ZDHHC19: variants seen among roughly 807,000 people sequenced by gnomAD.
ZDHHC19 encodes the protein palmitoyltransferase ZDHHC19.
In ZDHHC19, 30 loss-of-function variants were observed where a neutral mutation model predicts 33.9. The ratio of observed to expected loss-of-function variants is 0.88; its 90% CI spans 0.66 to 1.20. The LOEUF is 1.20. Ranked by LOEUF, ZDHHC19 falls within the 50% of genes most tolerant of loss-of-function variation. ZDHHC19 has a pLI of 0.00. For synonymous variants in ZDHHC19, 178 were observed against 167.6 expected, an observed-to-expected ratio of 1.06 and a Z score of -0.48; for missense variants, 364 against 401.1, an observed-to-expected ratio of 0.91 and a Z score of 0.79.
In ZDHHC19 at chr3:196,203,591, G is replaced by A. The variant is rs1286579297; in HGVS notation, c.687+3807C>T. 6.6e-6 allele frequency among the ~76,000 whole-genome samples: 1 copy of A among 152,204 alleles called. No individual in the cohort carries two copies. Among genetic ancestry groups the A allele is most frequent in the Non-Finnish European group, 1.5e-5 (1 of 68,040 alleles). On this transcript the variant is annotated intron_variant, in intron 5 of 7. Coordinates refer to ENST00000296326, the MANE Select transcript of ZDHHC19 (RefSeq NM_001039617.2). This position sits in a 1 kb window ranked among gnomAD's most constrained non-coding sequence, Gnocchi z 4.3. ...GCCTGAGGCAGGTGCTGCGGGCTGCGGGAAGGAGCCCTGCCTGGTGAATCG... is the reference window on the plus strand; with the variant it reads ...GCCTGAGGCAGGTGCTGCGGGCTGCAGGAAGGAGCCCTGCCTGGTGAATCG...
At position 196,208,441 on chromosome 3, in the gene ZDHHC19, G is replaced by T. The variant is rs776132296; in HGVS notation, c.528C>A (p.Leu176=). The change falls in exon 4 of 8, where the codon CTC becomes CTA. Residue 176 remains leucine, a synonymous_variant. Transcript: ENST00000296326. ...LYSGAMLVTC[L]IFLVRTTHLP... is the part of the protein sequence containing the mutation. Reference sequence around the variant, plus strand: ...GGTGGGTTGTGCGCACCAGGAAGATGAGACAGGTGACCAGCATGGCGCCCG... The same window carrying T: ...GGTGGGTTGTGCGCACCAGGAAGATTAGACAGGTGACCAGCATGGCGCCCG... The T allele has an allele frequency of 5.6e-6, 9 of 1,614,176 alleles. No individual in the cohort carries two copies. The highest frequency in any genetic ancestry group is 7.6e-6 in the Non-Finnish European group (9 of 1,180,018).
intron 6 of ZDHHC19, 42 bp downstream of exon 6, chr3:196,198,747 C>T: frequency 1.2e-6 from 2 of 1,608,572 alleles, no homozygotes; most frequent in Non-Finnish European, 1.7e-6. Context: ...CTCTGCCCCA[C>T]CCCCAGGGTT....
chr3:196,209,572 G>C, intron 2 of ZDHHC19, 57 bp from the exon 3 acceptor site: 1 of 1,582,270 alleles, frequency 6.3e-7, no homozygotes, highest in South Asian at 1.2e-5. Context: ...CCCGCGGCGG[G>C]GGCAGCTCCA....
rs1431727112 is a variant in ZDHHC19 at position 196,205,959 on chromosome 3, C to T, written c.687+1439G>A. Among the ~76,000 whole-genome samples the T allele has an allele frequency of 2.0e-5, 3 of 150,822 alleles. No individual in the cohort carries two copies. In the Admixed American group the frequency reaches 2.0e-4, roughly 10 times the overall value. ...GGATTGCAGGTGTGGGCCATGCACC[C>T]GTCCAATAAACTTGGCTTTTAAGAA... is the stretch of plus-strand genomic sequence containing the variant. On this transcript the variant is annotated intron_variant, in intron 5 of 7. Transcript: ENST00000296326.
chr3:196,208,241 TC>T (rs900592616), intron 4 of ZDHHC19, 146 bp downstream of exon 4: 14 of 219,744 alleles, frequency 6.4e-5, no homozygotes, highest in South Asian at 1.4e-4. Flanking sequence ...GCCCCGCCCA[TC>T]CCCCGACCCC....
intron 5 of ZDHHC19, among the ~76,000 whole-genome samples, chr3:196,200,513 C>T (rs1447589800): frequency 1.3e-5 from 2 of 150,198 alleles, no homozygotes; most frequent in African/African-American, 2.5e-5. Context: ...CGCCACCACG[C>T]CCAGCTAATT....
chr3:196,203,728 C>T lies in ZDHHC19; in HGVS notation c.687+3670G>A, dbSNP rs1054918270. On this transcript the variant is annotated intron_variant, in intron 5 of 7. Transcript: ENST00000296326. This position sits in a 1 kb window ranked among gnomAD's most constrained non-coding sequence, Gnocchi z 4.3. The stretch of plus-strand genomic sequence containing the variant: ...CAGGATGTGAGAAGGGCGAAGGCTG[C>T]CCAGAAAAGGCTGAAACGATGCACT... Among the ~76,000 whole-genome samples the T allele has an allele frequency of 5.9e-5, 9 of 152,162 alleles. No individual in the cohort carries two copies. Among genetic ancestry groups the T allele is most frequent in the African/African-American group, 2.2e-4 (9 of 41,442 alleles).
intron 5 of ZDHHC19, chr3:196,202,585 C>T (rs1299183580): frequency 6.5e-6 from 1 of 152,824 alleles, no homozygotes; most frequent in Non-Finnish European, 1.5e-5. Context: ...GAGCAGGAAC[C>T]CAGGCAGAGG....
rs1464686818 is a variant in ZDHHC19, at chr3:196,198,459, G to A, written c.774-8C>T. The A allele has an allele frequency of 3.2e-6, 5 of 1,584,396 alleles. No homozygotes were observed. The highest frequency in any genetic ancestry group is 4.3e-6 in the Non-Finnish European group (5 of 1,165,746). On this transcript the variant is annotated splice_region_variant and splice_polypyrimidine_tract_variant and intron_variant, in intron 6 of 7. Transcript: ENST00000296326. ...ACAGCTTCAGCCATGTACCTGGGGAGCAGCAGGCCAGATGCAGGGGCCACC... is the reference window on the plus strand; with the variant it reads ...ACAGCTTCAGCCATGTACCTGGGGAACAGCAGGCCAGATGCAGGGGCCACC...
rs964832528 is a variant in ZDHHC19 at position 196,201,389 on chromosome 3, C to G, written c.688-2515G>C. On this transcript the variant is annotated intron_variant, in intron 5 of 7. Coordinates refer to ENST00000296326, the MANE Select transcript of ZDHHC19 (RefSeq NM_001039617.2). ...CCAAAACTGACCAATACATTTGTAC[C>G]TGCCTCTCCCACGCAAGATGCTTTC... Among the ~76,000 whole-genome samples, 25 of 151,492 alleles carry G rather than the reference C, an allele frequency of 1.7e-4. 2 individuals are homozygous for G.
chr3:196,201,725 A>AC (rs1722368215), intron 5 of ZDHHC19, among the ~76,000 whole-genome samples: 1 of 151,812 alleles, frequency 6.6e-6, no homozygotes, highest in South Asian at 2.1e-4. Context: ...TGTCTCAAAA[A>AC]ATAAAAAAAG....
At chr3:196,207,131 G>A (rs1248396912) in intron 5 of ZDHHC19, among the ~76,000 whole-genome samples, 2 of 152,166 alleles carry the variant, frequency 1.3e-5, no homozygotes, top group Non-Finnish European at 2.9e-5. Flanking sequence ...TCATCAACAC[G>A]AGTGTGGAAT....
chr3:196,199,977 TA>T (rs1577313465), intron 5 of ZDHHC19, among the ~76,000 whole-genome samples: 1 of 151,570 alleles, frequency 6.6e-6, no homozygotes, highest in African/African-American at 2.4e-5. Flanking sequence ...ATTAGTCATT[TA>T]GAAGATTTTG....
At chr3:196,198,228 C>T in intron 7 of ZDHHC19, 48 bp downstream of exon 7, 4 of 1,424,032 alleles carry the variant, frequency 2.8e-6, no homozygotes, top group Non-Finnish European at 3.7e-6. Flanking sequence ...CCTGCAGACA[C>T]CCCCCTCCCG....
chr3:196,199,786 A>T (rs1560129216), intron 5 of ZDHHC19: 1 of 150,050 alleles, frequency 6.7e-6, no homozygotes, highest in Non-Finnish European at 1.5e-5. Context: ...TCTACTAAAA[A>T]TACAAAAAAT....
Position 196,206,679 on chromosome 3 carries a change from CTTTTTTTTTT to C in ZDHHC19, c.687+709_687+718del, listed in dbSNP as rs10578928. Among the ~76,000 whole-genome samples, 151 of 112,786 alleles carry C rather than the reference CTTTTTTTTTT, an allele frequency of 1.3e-3. 2 individuals are homozygous for C. The highest frequency in any genetic ancestry group is 2.2e-3 in the Non-Finnish European group (122 of 56,114). 74.0% of individuals were successfully genotyped at this position (112,786 alleles called of 152,430 possible). Reference sequence around the variant, plus strand: ...GGAACTTTTTCTTTTCTTTTCTTTTCTTTTTTTTTTTTTTTTTTTGGAGGCAGAGTCTCGC... The same window carrying C: ...GGAACTTTTTCTTTTCTTTTCTTTTCTTTTTTTTTGGAGGCAGAGTCTCGC... On this transcript the variant is annotated intron_variant, in intron 5 of 7. Coordinates refer to ENST00000296326, the MANE Select transcript of ZDHHC19 (RefSeq NM_001039617.2).
Position 196,207,431 on chromosome 3 carries a change from G to C in ZDHHC19, c.654C>G (p.Ser218=), listed in dbSNP as rs1009444751. 5.7e-6 allele frequency: 9 copies of C among 1,572,462 alleles called. No homozygotes were observed. The highest frequency in any genetic ancestry group is 2.7e-5 in the African/African-American group (2 of 73,760). ...LSLLLLIQAL[S]VSSADRTYKG... ...TGTAGGTGCGGTCGGCCGAGCTCAC[G>C]GACAGTGCCTGGATCAGCAGCAGGA... is the stretch of plus-strand genomic sequence containing the variant. Residue 218 remains serine (S), a synonymous_variant, in exon 5 of 8, where the codon TCC becomes TCG. Transcript: ENST00000296326.
chr3:196,205,043 T>C (rs1577323404), intron 5 of ZDHHC19, among the ~76,000 whole-genome samples: 1 of 151,972 alleles, frequency 6.6e-6, no homozygotes, highest in South Asian at 2.1e-4. Context: ...GAGGTGGAGG[T>C]TGCAGTGAGC....
intron 2 of ZDHHC19, 51 bp from the exon 3 acceptor site, chr3:196,209,566 CG>C: frequency 6.3e-7 from 1 of 1,586,504 alleles, no homozygotes; most frequent in South Asian, 1.1e-5. Context: ...GGTCACCCCG[CG>C]GCGGGGGCAG....
Sources: gnomAD v4.1 joint callset for allele counts (sites outside exome capture counted in the v4.1 genomes callset) on GRCh38, gnomAD v4.1.1 for gene constraint, Gnocchi (gnomAD v3.1) non-coding constraint, MANE v1.5 for transcripts, NCBI Gene and HGNC (gene_info 2026-07-23, HGNC 2026-07-21) for gene names.